The following ZNF776 variants were observed in gnomAD, a reference collection of about 807,000 sequenced individuals.
ZNF776 encodes zinc finger protein 776.
Under a neutral mutation model 7.0 loss-of-function variants are expected in ZNF776, and 4 were observed. The observed-to-expected ratio is 0.57, with a 90% CI of 0.28 to 1.31. ZNF776 has a LOEUF of 1.31. ZNF776 is among the 50% of genes most tolerant of loss of function. ZNF776 has a pLI of 0.10. For missense variants in ZNF776, 555 were observed against 625.9 expected (o/e 0.89, Z 1.21); for synonymous variants, 212 against 213.7 (o/e 0.99, Z 0.07).
chr19:57,757,929 T>C lies in ZNF776; in HGVS notation c.*3242T>C, dbSNP rs1182035819. ...TACCTGAGTACTCTCCTGAGCCCTA[T>C]TTATTTAGATGTTCTTCTTTTTTCT... On this transcript the variant is annotated 3_prime_UTR_variant, in exon 3 of 3. Coordinates refer to ENST00000317178, the MANE Select transcript of ZNF776 (RefSeq NM_173632.4). The C allele has an allele frequency of 6.6e-6, 1 of 152,232 alleles. No homozygotes were observed. Among genetic ancestry groups the C allele is most frequent in the Non-Finnish European group, 1.5e-5 (1 of 68,044 alleles). The allele number at this position is 152,232 out of a possible 1,614,324, so 9.4% of individuals were successfully genotyped here.
chr19:57,747,008 A>G lies in ZNF776; in HGVS notation c.-51A>G, dbSNP rs1986452027. The G allele has an allele frequency of 4.6e-6, 7 of 1,534,032 alleles. No individual in the cohort carries two copies. The highest frequency in any genetic ancestry group is 1.4e-5 in the African/African-American group (1 of 72,644). On this transcript the variant is annotated 5_prime_UTR_variant, in exon 1 of 3. Transcript: ENST00000317178. ...GGGATCGGGACCACCGTGCCCGGGTACCTGCACTGCTCGCCCCCTCCTTTC... is the reference window on the plus strand; with the variant it reads ...GGGATCGGGACCACCGTGCCCGGGTGCCTGCACTGCTCGCCCCCTCCTTTC...
rs548198310 is a variant in ZNF776, at chr19:57,754,921, G to A, written c.*234G>A. On this transcript the variant is annotated 3_prime_UTR_variant, in exon 3 of 3. Coordinates refer to ENST00000317178, the MANE Select transcript of ZNF776 (RefSeq NM_173632.4). ...TACCAGAAGGGTCACACTGGAGAAAGACCCTATAGTTATGGGGAATTTGGG... is the reference window on the plus strand; with the variant it reads ...TACCAGAAGGGTCACACTGGAGAAAAACCCTATAGTTATGGGGAATTTGGG... 285 of 548,070 alleles carry A rather than the reference G, an allele frequency of 5.2e-4. 2 individuals carry two copies. Among genetic ancestry groups the A allele is most frequent in the Middle Eastern group, 3.0e-3 (6 of 2,020 alleles). The allele number at this position is 548,070 out of a possible 1,614,324, so 34.0% of individuals were successfully genotyped here.
Position 57,750,858 on chromosome 19 carries a change from G to C in ZNF776, c.107G>C (p.Arg36Thr). Residue 36 changes from arginine to threonine, a missense_variant, in exon 2 of 3, where the codon AGA becomes ACA. Coordinates refer to ENST00000317178, the MANE Select transcript of ZNF776 (RefSeq NM_173632.4). The stretch of plus-strand genomic sequence containing the variant: ...TGGAGTCTCCTTAGTGAGGCTCAGA[G>C]ATGCCTTTATCATGACGTGATGCTG... Reference protein sequence around the residue: ...EEWSLLSEAQRCLYHDVMLEN... With the variant: ...EEWSLLSEAQTCLYHDVMLEN... The C allele has an allele frequency of 6.2e-7, 1 of 1,613,404 alleles. No individual in the cohort carries two copies. Among genetic ancestry groups the C allele is most frequent in the Non-Finnish European group, 8.5e-7 (1 of 1,179,554 alleles).
Position 57,754,800 on chromosome 19 carries a change from G to A in ZNF776, c.*113G>A. 8.9e-7 allele frequency: 1 copy of A among 1,126,802 alleles called. No individual in the cohort carries two copies. The highest frequency in any genetic ancestry group is 2.5e-5 in the East Asian group (1 of 40,444). The allele number at this position is 1,126,802 out of a possible 1,614,324, so 69.8% of individuals were successfully genotyped here. A position where few individuals can be genotyped will look rare whatever the true frequency, so the allele number is the denominator to read the frequency against. Reference sequence around the variant, plus strand: ...TGCAAAATCATCTAGCCAAAAGGTTGGCCTCATTCAACAATAGCAAGATCA... The same window carrying A: ...TGCAAAATCATCTAGCCAAAAGGTTAGCCTCATTCAACAATAGCAAGATCA... On this transcript the variant is annotated 3_prime_UTR_variant, in exon 3 of 3. Coordinates refer to ENST00000317178, the MANE Select transcript of ZNF776 (RefSeq NM_173632.4).
intron 1 of ZNF776, 29 bp downstream of exon 1, chr19:57,747,120 G>A: frequency 6.3e-7 from 1 of 1,576,856 alleles, no homozygotes; most frequent in South Asian, 1.2e-5. Flanking sequence ...GTGCCCTCAG[G>A]TCACCTCATC....
chr19:57,748,356 A>G (rs890065607), intron 1 of ZNF776, among the ~76,000 whole-genome samples: 1 of 152,224 alleles, frequency 6.6e-6, no homozygotes, highest in Non-Finnish European at 1.5e-5. Context: ...GGTAATAAAC[A>G]TAATTAGAAT....
In ZNF776 at chr19:57,751,884, T is replaced by TC. The variant is rs1555764045; in HGVS notation, c.160+973_160+974insC. Among the ~76,000 whole-genome samples the TC allele has an allele frequency of 2.8e-4, 38 of 138,090 alleles. 1 individual carries two copies. The South Asian group carries it at 8.5e-3, about 31-fold the overall frequency. 90.6% of individuals were successfully genotyped at this position (138,090 alleles called of 152,430 possible). A position where few individuals can be genotyped will look rare whatever the true frequency, so the allele number is the denominator to read the frequency against. ...TTTGGTTTTGTTTTTTTTTTTTTTTTTTTTTTGAGACGGAGTCTTGCTCTG... is the reference window on the plus strand; with the variant it reads ...TTTGGTTTTGTTTTTTTTTTTTTTTTCTTTTTTGAGACGGAGTCTTGCTCTG... On this transcript the variant is annotated intron_variant, in intron 2 of 2. Transcript: ENST00000317178.
chr19:57,747,861 T>A (rs1051847266), intron 1 of ZNF776, among the ~76,000 whole-genome samples: 1 of 134,180 alleles, frequency 7.5e-6, no homozygotes, highest in African/African-American at 3.0e-5. Flanking sequence ...TTTTTTTTTT[T>A]TAAGTTTTTT....
rs1350544513 is a variant in ZNF776 at position 57,756,311 on chromosome 19, T to C, written c.*1624T>C. ...CAACCCAAGTACAAGCTGCCTCTCA[T>C]TGTTCTGGTTTCTGCTATGATGAAG... On this transcript the variant is annotated 3_prime_UTR_variant, in exon 3 of 3. Coordinates refer to ENST00000317178, the MANE Select transcript of ZNF776 (RefSeq NM_173632.4). The C allele has an allele frequency of 6.6e-6, 1 of 152,178 alleles. No individual in the cohort carries two copies. Among genetic ancestry groups the C allele is most frequent in the African/African-American group, 2.4e-5 (1 of 41,444 alleles). 9.4% of individuals were successfully genotyped at this position (152,178 alleles called of 1,614,324 possible).
In ZNF776 at chr19:57,746,969, C is replaced by T. The variant is rs1266639629; in HGVS notation, c.-90C>T. 22 of 1,371,974 alleles carry T rather than the reference C, an allele frequency of 1.6e-5. No homozygotes were observed. The highest frequency in any genetic ancestry group is 2.2e-5 in the Non-Finnish European group (22 of 1,009,394). 85.0% of individuals were successfully genotyped at this position (1,371,974 alleles called of 1,614,324 possible). On this transcript the variant is annotated 5_prime_UTR_variant, in exon 1 of 3. Transcript: ENST00000317178. ...AGCTCCTTAAAGGCGCTAGGCGTGA[C>T]CCGCACCAAGGCCGGGATCGGGACC... is the stretch of plus-strand genomic sequence containing the variant.
intron 2 of ZNF776, 63 bp from the exon 3 acceptor site, chr19:57,753,228 A>G (rs927830183): frequency 2.0e-6 from 3 of 1,491,586 alleles, no homozygotes; most frequent in African/African-American, 2.8e-5. Flanking sequence ...TTGATCAGGT[A>G]TGGCTTAGTA....
In ZNF776 at chr19:57,753,794, T is replaced by A. The variant is rs377652521; in HGVS notation, c.664T>A (p.Ser222Thr). Reference sequence around the variant, plus strand: ...CACAATACCGTTTAGCAACAAACACTCACTTGTCCTTCACCAGAGACTTCT... The same window carrying A: ...CACAATACCGTTTAGCAACAAACACACACTTGTCCTTCACCAGAGACTTCT... ...ESTIPFSNKHSLVLHQRLLPR... is the reference protein window; with the variant it reads ...ESTIPFSNKHTLVLHQRLLPR... The change falls in exon 3 of 3, where the codon TCA becomes ACA. Residue 222 changes from serine (S) to threonine (T), a missense_variant. By Grantham distance (58) the Ser-to-Thr change is moderately conservative. Transcript: ENST00000317178. 4.3e-6 allele frequency: 7 copies of A among 1,613,780 alleles called. No homozygotes were observed. Among genetic ancestry groups the A allele is most frequent in the Non-Finnish European group, 5.9e-6 (7 of 1,179,768 alleles).
chr19:57,755,158 G>C lies in ZNF776; in HGVS notation c.*471G>C, dbSNP rs931323911. On this transcript the variant is annotated 3_prime_UTR_variant, in exon 3 of 3. Transcript: ENST00000317178. ...CCGTACAGCTCTGCGCTCCATGTTC[G>C]TAAGAGTTCACACTGGACAAAGCCT... 1 of 163,716 alleles carries C rather than the reference G, an allele frequency of 6.1e-6. No homozygotes were observed. The allele number at this position is 163,716 out of a possible 1,614,324, so 10.1% of individuals were successfully genotyped here.
rs1322893366 is a variant in ZNF776, at chr19:57,757,772, A to T, written c.*3085A>T. On this transcript the variant is annotated 3_prime_UTR_variant, in exon 3 of 3. Transcript: ENST00000317178. Reference sequence around the variant, plus strand: ...CATAGTAAGACCCTGTCTCTTAAAAAATAAATACTATCTTTCTCTCTGGCC... The same window carrying T: ...CATAGTAAGACCCTGTCTCTTAAAATATAAATACTATCTTTCTCTCTGGCC... 2 of 152,200 alleles carry T rather than the reference A, an allele frequency of 1.3e-5. No individual in the cohort carries two copies. Among genetic ancestry groups the T allele is most frequent in the African/African-American group, 4.8e-5 (2 of 41,448 alleles). 9.4% of individuals were successfully genotyped at this position (152,200 alleles called of 1,614,324 possible). A position where few individuals can be genotyped will look rare whatever the true frequency, so the allele number is the denominator to read the frequency against.
intron 2 of ZNF776, among the ~76,000 whole-genome samples, chr19:57,751,868 G>GGTTTTTT (rs1986613708): frequency 5.9e-5 from 4 of 67,506 alleles, no homozygotes; most frequent in African/African-American, 2.2e-4. Context: ...TTTTGGTTTT[G>GGTTTTTT]TTTTTTTTTT....
chr19:57,755,557 T>C lies in ZNF776; in HGVS notation c.*870T>C, dbSNP rs1986753575. ...ACTCTTCTTTCACTGGATACCAGAATGTTGACAGGAGAAAAATAACATAGA... is the reference window on the plus strand; with the variant it reads ...ACTCTTCTTTCACTGGATACCAGAACGTTGACAGGAGAAAAATAACATAGA... On this transcript the variant is annotated 3_prime_UTR_variant, in exon 3 of 3. Coordinates refer to ENST00000317178, the MANE Select transcript of ZNF776 (RefSeq NM_173632.4). 1 of 152,228 alleles carries C rather than the reference T, an allele frequency of 6.6e-6. No individual in the cohort carries two copies. 9.4% of individuals were successfully genotyped at this position (152,228 alleles called of 1,614,324 possible).
rs1986691313 is a variant in ZNF776, at chr19:57,753,964, CCT to C, written c.836_837del (p.Leu279HisfsTer2). 1 of 1,614,238 alleles carries C rather than the reference CCT, an allele frequency of 6.2e-7. No homozygotes were observed. Among genetic ancestry groups the C allele is most frequent in the Non-Finnish European group, 8.5e-7 (1 of 1,180,044 alleles). On this transcript the variant is annotated frameshift_variant, in exon 3 of 3. Coordinates refer to ENST00000317178, the MANE Select transcript of ZNF776 (RefSeq NM_173632.4). LOFTEE classifies it low-confidence loss of function (END_TRUNC). ...ATGAATCATTTTGGTATAAGGCCCA[CCT>C]CACTGAACACCAGAGAGTTCACACT... ...CDESFWYKAH[L>X]TEHQRVHTGE...
intron 1 of ZNF776, chr19:57,749,464 T>TG (rs1986540618): frequency 6.6e-6 from 1 of 152,214 alleles, no homozygotes; most frequent in Admixed American, 6.5e-5. Flanking sequence ...ATGGGAACCA[T>TG]GGTCATTTTG....
rs893870566 is a variant in ZNF776 at position 57,758,002 on chromosome 19, C to G, written c.*3315C>G. Reference sequence around the variant, plus strand: ...TAGCAGGGATGCATATTTTGACATTCATCAATCATGATATATGAGTAGTTC... The same window carrying G: ...TAGCAGGGATGCATATTTTGACATTGATCAATCATGATATATGAGTAGTTC... On this transcript the variant is annotated 3_prime_UTR_variant, in exon 3 of 3. Coordinates refer to ENST00000317178, the MANE Select transcript of ZNF776 (RefSeq NM_173632.4). The G allele has an allele frequency of 2.0e-5, 3 of 151,996 alleles. No individual in the cohort carries two copies. Among genetic ancestry groups the G allele is most frequent in the African/African-American group, 7.3e-5 (3 of 41,362 alleles). 9.4% of individuals were successfully genotyped at this position (151,996 alleles called of 1,614,324 possible).
Sources: gnomAD v4.1 joint callset for allele counts (sites outside exome capture counted in the v4.1 genomes callset) on GRCh38, gnomAD v4.1.1 for gene constraint, MANE v1.5 for transcripts, NCBI Gene and HGNC (gene_info 2026-07-23, HGNC 2026-07-21) for gene names.